The following ALK variants were observed in gnomAD, a reference collection of about 807,000 sequenced individuals.
ALK encodes ALK tyrosine kinase receptor.
ALK carries 74 observed loss-of-function variants against 163.1 expected under a neutral mutation model. That is an observed-to-expected ratio of 0.45 (90% CI 0.38 to 0.55). ALK has a LOEUF of 0.55. Ranked by LOEUF, ALK falls within the 20% of genes least tolerant of loss-of-function variation. The probability of loss-of-function intolerance (pLI) is 0.00; values close to 1 mark genes in which losing one functional copy is unlikely to be tolerated. For synonymous variants in ALK, 960 were observed against 843.2 expected (o/e 1.14, Z -2.40); for missense variants, 2,063 against 2,105.3 (o/e 0.98, Z 0.39).
chr2:29,633,554 G>A (rs544567956), intron 3 of ALK, among the ~76,000 whole-genome samples: 1 of 151,298 alleles, frequency 6.6e-6, no homozygotes, highest in African/African-American at 2.4e-5. Flanking sequence ...GCAAGCAGAA[G>A]ATATAATAAA....
chr2:29,836,883 G>T (rs1326208201), intron 1 of ALK, among the ~76,000 whole-genome samples: 2 of 152,132 alleles, frequency 1.3e-5, no homozygotes, highest in African/African-American at 4.8e-5. Context: ...TACTTTATGT[G>T]TTCTTTCACT....
intron 3 of ALK, among the ~76,000 whole-genome samples, chr2:29,630,430 G>C (rs909537000): frequency 6.6e-6 from 1 of 151,870 alleles, no homozygotes; most frequent in African/African-American, 2.4e-5. Context: ...CTAATTCTAA[G>C]CACCAGGGAG....
chr2:29,208,260 A>G (rs1669367743), intron 25 of ALK, among the ~76,000 whole-genome samples: 1 of 152,050 alleles, frequency 6.6e-6, no homozygotes. Flanking sequence ...AGGAGAAAAG[A>G]CGCTCTCCCA....
chr2:29,298,702 A>G (rs1258010630), intron 8 of ALK, among the ~76,000 whole-genome samples: 3 of 152,220 alleles, frequency 2.0e-5, no homozygotes, highest in African/African-American at 7.2e-5. Context: ...TACTGAGAAG[A>G]TCTACTATGT....
At chr2:29,319,993 C>T (rs1019243578) in intron 7 of ALK, among the ~76,000 whole-genome samples, 4 of 152,228 alleles carry the variant, frequency 2.6e-5, no homozygotes, top group East Asian at 1.9e-4. Context: ...AGGGCCTGCC[C>T]GGGTCCCACC....
chr2:29,731,532 G>T (rs866651373), intron 1 of ALK, among the ~76,000 whole-genome samples: 10 of 152,254 alleles, frequency 6.6e-5, no homozygotes, highest in Middle Eastern at 3.4e-3. Flanking sequence ...GGAGATTCTG[G>T]GCAGCATCGG....
intron 26 of ALK, among the ~76,000 whole-genome samples, chr2:29,205,493 G>T (rs550970612): frequency 1.3e-5 from 2 of 152,318 alleles, no homozygotes; most frequent in African/African-American, 4.8e-5. Context: ...CAGTTCTGAA[G>T]GCCGGACATC....
chr2:29,860,766 G>T (rs763843185), intron 1 of ALK, among the ~76,000 whole-genome samples: 3 of 152,020 alleles, frequency 2.0e-5, no homozygotes, highest in Non-Finnish European at 4.4e-5. Flanking sequence ...ACATGCTCCT[G>T]AACAACCAAT....
chr2:29,837,769 T>TA (rs1305945928), intron 1 of ALK, among the ~76,000 whole-genome samples: 3 of 152,136 alleles, frequency 2.0e-5, no homozygotes, highest in African/African-American at 7.2e-5. Flanking sequence ...AGGCAGTCAA[T>TA]AATGTAACAC....
At chr2:29,609,700 A>G (rs1675637267) in intron 3 of ALK, among the ~76,000 whole-genome samples, 2 of 151,338 alleles carry the variant, frequency 1.3e-5, no homozygotes, top group South Asian at 4.2e-4. Context: ...TTGAAGTGCA[A>G]TAGCACAATA....
chr2:29,641,965 A>G (rs1017266501), intron 3 of ALK, among the ~76,000 whole-genome samples: 1 of 152,196 alleles, frequency 6.6e-6, no homozygotes, highest in Non-Finnish European at 1.5e-5. Flanking sequence ...GAAACTTATC[A>G]AAAATTCACC....
chr2:29,250,393 C>T (rs1375385596), intron 12 of ALK, among the ~76,000 whole-genome samples: 1 of 152,196 alleles, frequency 6.6e-6, no homozygotes, highest in Non-Finnish European at 1.5e-5. Flanking sequence ...CTTGATCGAG[C>T]TCAGAGGTTC....
intron 1 of ALK, among the ~76,000 whole-genome samples, chr2:29,858,858 G>A (rs997398114): frequency 2.6e-5 from 4 of 151,990 alleles, no homozygotes; most frequent in African/African-American, 9.7e-5. Flanking sequence ...GGCCAACATG[G>A]TGAAACCTGG....
intron 12 of ALK, among the ~76,000 whole-genome samples, chr2:29,242,727 C>A (rs1416016195): frequency 2.6e-5 from 4 of 152,132 alleles, no homozygotes; most frequent in African/African-American, 4.8e-5. Flanking sequence ...AGACAAGAAC[C>A]CCTGCTCTCA....
At chr2:29,792,370 G>T (rs150432096) in intron 1 of ALK, among the ~76,000 whole-genome samples, 110 of 152,198 alleles carry the variant, frequency 7.2e-4, no homozygotes, top group African/African-American at 1.9e-3. Flanking sequence ...AGTTTCAGGG[G>T]GAGGGTAGCA....
intron 3 of ALK, among the ~76,000 whole-genome samples, chr2:29,560,430 G>C (rs548921368): frequency 1.3e-5 from 2 of 152,178 alleles, no homozygotes; most frequent in Non-Finnish European, 2.9e-5. Flanking sequence ...CTTGGGATGG[G>C]AATTGAGAAT....
At chr2:29,673,430 T>A (rs1264670817) in intron 3 of ALK, among the ~76,000 whole-genome samples, 16 of 136,440 alleles carry the variant, frequency 1.2e-4, no homozygotes, top group African/African-American at 3.2e-4. Flanking sequence ...TTTATTAAAT[T>A]GGGAATCCTT....
At chr2:29,669,631 C>T (rs1327886142) in intron 3 of ALK, among the ~76,000 whole-genome samples, 1 of 152,002 alleles carries the variant, frequency 6.6e-6, no homozygotes, top group Admixed American at 6.6e-5. Context: ...CTCAGTACTG[C>T]CATTTTATTC....
intron 1 of ALK, among the ~76,000 whole-genome samples, chr2:29,848,445 A>G (rs1665903552): frequency 2.6e-5 from 4 of 152,062 alleles, no homozygotes; most frequent in Admixed American, 2.0e-4. Context: ...GTGCTTTCTA[A>G]CCATACCACC....
Sources: gnomAD v4.1 joint callset for allele counts (sites outside exome capture counted in the v4.1 genomes callset) on GRCh38, gnomAD v4.1.1 for gene constraint, MANE v1.5 for transcripts, NCBI Gene and HGNC (gene_info 2026-07-23, HGNC 2026-07-21) for gene names.